Variants in XYLT1 observed in about 807,000 individuals in gnomAD.
The protein encoded by XYLT1 is xylosyltransferase 1.
A neutral mutation model predicts 91.3 loss-of-function variants in XYLT1; 36 were observed. The ratio of observed to expected loss-of-function variants is 0.39; its 90% CI spans 0.30 to 0.52. XYLT1 has a LOEUF of 0.52. Among genes scored for constraint, XYLT1 ranks in the 20% least tolerant of loss-of-function variants. The pLI, the probability that XYLT1 is intolerant of heterozygous loss-of-function variation, is 0.68. For synonymous variants in XYLT1, 588 were observed against 532.0 expected (o/e 1.11, Z -1.45); for missense variants, 1,242 against 1,284.5 (o/e 0.97, Z 0.51).
rs182897312 is a variant in XYLT1 at position 17,257,293 on chromosome 16, G to A, written c.913+1695C>T. 2.0e-5 allele frequency among the ~76,000 whole-genome samples: 3 copies of A among 152,214 alleles called. No individual in the cohort carries two copies. In the East Asian group the frequency reaches 5.8e-4, roughly 29 times the overall value. ...GCTCCCTGGACAGATAAGAAATCTA[G>A]GCCCTGAGAGCAGAAAGGACTCTCC... On this transcript the variant is annotated intron_variant, in intron 3 of 11. Coordinates refer to ENST00000261381, the MANE Select transcript of XYLT1 (RefSeq NM_022166.4).
intron 2 of XYLT1, among the ~76,000 whole-genome samples, chr16:17,302,555 G>A (rs1433621864): frequency 6.6e-6 from 1 of 152,208 alleles, no homozygotes; most frequent in African/African-American, 2.4e-5. Flanking sequence ...TGTTTTCCTT[G>A]ATGGCAGCCA....
In XYLT1 at chr16:17,312,733, G is replaced by A. The variant is rs187764812; in HGVS notation, c.402+45279C>T. Among the ~76,000 whole-genome samples, 4 of 152,270 alleles carry A rather than the reference G, an allele frequency of 2.6e-5. No individual in the cohort carries two copies. The highest frequency in any genetic ancestry group is 9.6e-5 in the African/African-American group (4 of 41,548). On this transcript the variant is annotated intron_variant, in intron 2 of 11. Transcript: ENST00000261381. This position sits in a 1 kb window ranked among gnomAD's most constrained non-coding sequence, Gnocchi z 4.4. ...TCCTATTATCCCATTTTGCAGATGG[G>A]AAAACTGAAGCACAGACAGAATAAA...
chr16:17,280,216 C>A (rs1024300860), intron 2 of XYLT1, among the ~76,000 whole-genome samples: 1 of 152,156 alleles, frequency 6.6e-6, no homozygotes, highest in Non-Finnish European at 1.5e-5. Flanking sequence ...CCAGGCATGG[C>A]GGCAGCACCT....
chr16:17,172,472 T>C (rs1222522287), intron 5 of XYLT1, among the ~76,000 whole-genome samples: 1 of 145,022 alleles, frequency 6.9e-6, no homozygotes, highest in Non-Finnish European at 1.5e-5. Flanking sequence ...ATTTCTTTTT[T>C]TTTTTTTTTT....
At chr16:17,317,104 G>T (rs987038108) in intron 2 of XYLT1, among the ~76,000 whole-genome samples, 7 of 151,920 alleles carry the variant, frequency 4.6e-5, no homozygotes, top group African/African-American at 1.7e-4. Context: ...TTACAGGCGT[G>T]AGCCACCGTG....
chr16:17,141,118 C>T (rs2030960244), intron 7 of XYLT1, 35 bp downstream of exon 7: 6 of 1,604,658 alleles, frequency 3.7e-6, no homozygotes, highest in Admixed American at 1.7e-5. Context: ...GAACAAGCCC[C>T]TATCTTTCTT....
intron 1 of XYLT1, among the ~76,000 whole-genome samples, chr16:17,409,424 T>C (rs2036077885): frequency 6.6e-6 from 1 of 152,166 alleles, no homozygotes; most frequent in African/African-American, 2.4e-5. Flanking sequence ...GTGCATAATA[T>C]TGATCTTGAA....
At chr16:17,237,974 C>G (rs1238423982) in intron 3 of XYLT1, among the ~76,000 whole-genome samples, 1 of 152,210 alleles carries the variant, frequency 6.6e-6, no homozygotes, top group East Asian at 1.9e-4. Context: ...TGTAGAGCAT[C>G]TGGTACATGT....
chr16:17,305,279 CACTACTTTCCCTA>C (rs912652570), intron 2 of XYLT1, among the ~76,000 whole-genome samples: 5 of 152,172 alleles, frequency 3.3e-5, no homozygotes, highest in Non-Finnish European at 7.3e-5. Context: ...TAACTAATCT[CACTACTTTCCCTA>C]TCTAGTTTCC....
At chr16:17,224,623 A>G (rs7187175) in intron 3 of XYLT1, among the ~76,000 whole-genome samples, 3,312 of 152,228 alleles carry the variant, frequency 0.022, 123 homozygotes, top group African/African-American at 0.075. Flanking sequence ...AAATGGCTTC[A>G]TGAACTCTTG....
chr16:17,279,996 TCTCTCAACCACCTCTCC>T (rs2034033250), intron 2 of XYLT1, among the ~76,000 whole-genome samples: 1 of 152,142 alleles, frequency 6.6e-6, no homozygotes, highest in Non-Finnish European at 1.5e-5. Context: ...CCCTCTCCCC[TCTCTCAACCACCTCTCC>T]ATCATTCTGC....
chr16:17,134,828 G>A, intron 8 of XYLT1, 93 bp from the exon 9 acceptor site: 1 of 1,490,410 alleles, frequency 6.7e-7, no homozygotes, highest in Non-Finnish European at 9.1e-7. Context: ...TAGAAGCAAA[G>A]CTCTGCTGGA....
chr16:17,293,131 C>T (rs1309386522), intron 2 of XYLT1, among the ~76,000 whole-genome samples: 1 of 152,168 alleles, frequency 6.6e-6, no homozygotes, highest in Non-Finnish European at 1.5e-5. Context: ...TTTACTGGAA[C>T]TCTGTGCTAG....
intron 1 of XYLT1, among the ~76,000 whole-genome samples, chr16:17,423,559 C>T (rs192800859): frequency 6.6e-6 from 1 of 152,144 alleles, no homozygotes; most frequent in Non-Finnish European, 1.5e-5. Flanking sequence ...TACAACCTCA[C>T]TCCCCTGGGC....
chr16:17,138,107 T>TAAAATGGAATAATAATGA (rs2030818365), intron 8 of XYLT1: 2 of 444,892 alleles, frequency 4.5e-6, no homozygotes, highest in East Asian at 6.6e-5. Context: ...TTCATATCCC[T>TAAAATGGAATAATAATGA]AAAATGGAAT....
intron 5 of XYLT1, among the ~76,000 whole-genome samples, chr16:17,188,674 A>G (rs2032243221): frequency 6.6e-6 from 1 of 151,896 alleles, no homozygotes; most frequent in Non-Finnish European, 1.5e-5. Context: ...TCATATGTGC[A>G]CTCCTGTGAT....
chr16:17,370,743 G>A (rs1003425337), intron 1 of XYLT1, among the ~76,000 whole-genome samples: 1 of 152,224 alleles, frequency 6.6e-6, no homozygotes, highest in Non-Finnish European at 1.5e-5. Flanking sequence ...TACATAGGAT[G>A]CCAATACTTC....
At position 17,451,585 on chromosome 16, in the gene XYLT1, G is replaced by C. The variant is rs1157958428; in HGVS notation, c.363+18849C>G. 2.6e-5 allele frequency among the ~76,000 whole-genome samples: 4 copies of C among 152,126 alleles called. No individual in the cohort carries two copies. In the East Asian group the frequency reaches 7.7e-4, roughly 29 times the overall value. ...GAATAAGTGTCTGCAAACATCCTGG[G>C]TACATCTGTAAAGCATGCACTCATA... On this transcript the variant is annotated intron_variant, in intron 1 of 11. Transcript: ENST00000261381.
intron 2 of XYLT1, among the ~76,000 whole-genome samples, chr16:17,342,921 T>C (rs1055546427): frequency 1.3e-5 from 2 of 152,156 alleles, no homozygotes; most frequent in East Asian, 3.9e-4. Flanking sequence ...ATAATTGCGA[T>C]GATGAAAAGC....
Sources: gnomAD v4.1 joint callset for allele counts (sites outside exome capture counted in the v4.1 genomes callset) on GRCh38, gnomAD v4.1.1 for gene constraint, Gnocchi (gnomAD v3.1) non-coding constraint, MANE v1.5 for transcripts, NCBI Gene and HGNC (gene_info 2026-07-23, HGNC 2026-07-21) for gene names.